The following UAP1 variants were observed in gnomAD, a reference collection of about 807,000 sequenced individuals.
UAP1 encodes UDP-N-acetylhexosamine pyrophosphorylase.
UAP1 carries 25 observed loss-of-function variants against 58.5 expected under a neutral mutation model. The observed-to-expected ratio is 0.43, with a 90% CI of 0.31 to 0.60. The LOEUF is 0.60. Ranked by LOEUF, UAP1 falls within the 20% of genes least tolerant of loss-of-function variation. The probability of loss-of-function intolerance (pLI) is 0.11; values close to 1 mark genes in which losing one functional copy is unlikely to be tolerated. For missense variants in UAP1, 575 were observed against 630.0 expected (o/e 0.91, Z 0.93); for synonymous variants, 208 against 213.0 (o/e 0.98, Z 0.21).
intron 10 of UAP1, among the ~76,000 whole-genome samples, chr1:162,598,888 C>T (rs1041753964): frequency 2.0e-5 from 3 of 151,806 alleles, no homozygotes; most frequent in African/African-American, 7.3e-5. Context: ...TGATGGCAGG[C>T]GCCTGTAGTT....
intron 2 of UAP1, among the ~76,000 whole-genome samples, chr1:162,571,036 C>A (rs1653826424): frequency 6.6e-6 from 1 of 150,906 alleles, no homozygotes; most frequent in East Asian, 1.9e-4. Flanking sequence ...GCCCACAATG[C>A]ATGACTCTCC....
chr1:162,587,286 C>A (rs991317192), intron 5 of UAP1, among the ~76,000 whole-genome samples, 189 bp from the exon 6 acceptor site: 1 of 152,134 alleles, frequency 6.6e-6, no homozygotes, highest in African/African-American at 2.4e-5. Flanking sequence ...TAATATACCT[C>A]ATTTCCAGTT....
At chr1:162,581,192 TTTTTTAGGGATC>T (rs1654565252) in intron 4 of UAP1, 83 bp from the exon 5 acceptor site, 2 of 1,407,514 alleles carry the variant, frequency 1.4e-6, no homozygotes, top group Non-Finnish European at 1.9e-6. Context: ...GCGAATTTTG[TTTTTTAGGGATC>T]TTAACCCTAG....
intron 9 of UAP1, 156 bp from the exon 10 acceptor site, chr1:162,597,636 A>T (rs1655687477): frequency 1.7e-6 from 1 of 573,460 alleles, no homozygotes; most frequent in African/African-American, 1.9e-5. Context: ...CTTAATCCTC[A>T]GGGAATTTAG....
At chr1:162,583,140 G>A (rs1195215295) in intron 5 of UAP1, among the ~76,000 whole-genome samples, 1 of 128,082 alleles carries the variant, frequency 7.8e-6, no homozygotes, top group African/African-American at 2.9e-5. Context: ...TCCACTTGGT[G>A]TCACTCTTTT....
In UAP1 at chr1:162,590,529, C is replaced by G. The variant is rs1169810254; in HGVS notation, c.1358+18C>G. 6 of 1,585,216 alleles carry G rather than the reference C, an allele frequency of 3.8e-6. No individual in the cohort carries two copies. In the East Asian group the frequency reaches 1.1e-4, roughly 30 times the overall value. On this transcript the variant is annotated intron_variant, in intron 8 of 10. Transcript: ENST00000271469. ...ATTCCCCGGTAAGTCAGTATCTTTT[C>G]TCTTTTGTATGAATCCTTTCTTGGA...
chr1:162,564,895 G>T (rs1653392729), intron 1 of UAP1, among the ~76,000 whole-genome samples: 1 of 151,902 alleles, frequency 6.6e-6, no homozygotes, highest in Non-Finnish European at 1.5e-5. Flanking sequence ...TTATTTTTTT[G>T]AGATAGAATT....
exon 4 of UAP1, chr1:162,579,435 A>C (rs1221387026): frequency 1.4e-5 from 22 of 1,570,194 alleles, no homozygotes; most frequent in Non-Finnish European, 1.9e-5. Context: ...AAGGTATATA[A>C]TGACCAGTGG....
rs1006531834 is a variant in UAP1 at position 162,587,409 on chromosome 1, A to C, written c.835-66A>C. 4.9e-6 allele frequency: 7 copies of C among 1,441,080 alleles called. No homozygotes were observed. The African/African-American group carries it at 9.9e-5, about 20-fold the overall frequency. The allele number at this position is 1,441,080 out of a possible 1,614,324, so 89.3% of individuals were successfully genotyped here. Reference sequence around the variant, plus strand: ...CAAAGTTGTAAATGTCATCTTTGACAATGGCAAATCTCCAAAGAAACATTT... The same window carrying C: ...CAAAGTTGTAAATGTCATCTTTGACCATGGCAAATCTCCAAAGAAACATTT... On this transcript the variant is annotated intron_variant, in intron 5 of 10. Transcript: ENST00000271469.
rs1027957107 is a variant in UAP1 at position 162,566,006 on chromosome 1, T to C, written c.-57-6T>C. ...TGACATGCCATTAATTACTTTTCTC[T>C]TTTAGGTTTACAGGTACATACATTA... On this transcript the variant is annotated splice_polypyrimidine_tract_variant and splice_region_variant and intron_variant, in intron 1 of 10. Coordinates refer to ENST00000271469, the Ensembl canonical transcript of UAP1. 12 of 1,508,262 alleles carry C rather than the reference T, an allele frequency of 8.0e-6. No homozygotes were observed. The highest frequency in any genetic ancestry group is 2.5e-4 in the Middle Eastern group (1 of 4,002). 93.4% of individuals were successfully genotyped at this position (1,508,262 alleles called of 1,614,324 possible). A position where few individuals can be genotyped will look rare whatever the true frequency, so the allele number is the denominator to read the frequency against.
At chr1:162,570,615 TG>T (rs1381890162) in intron 2 of UAP1, among the ~76,000 whole-genome samples, 13 of 152,242 alleles carry the variant, frequency 8.5e-5, no homozygotes, top group Admixed American at 8.5e-4. Context: ...ATTCATCTAA[TG>T]TAATCTCTGC....
In UAP1 at chr1:162,587,859, C is replaced by T. The variant is rs76101267; in HGVS notation, c.1028+191C>T. On this transcript the variant is annotated intron_variant, in intron 6 of 10. Transcript: ENST00000271469. ...AGATGTATTGTAAGGTGGGAATCAT[C>T]GGAGCCCATTCCCCAGCGCATTAAT... is the stretch of plus-strand genomic sequence containing the variant. The T allele has an allele frequency of 3.9e-3, 2,140 of 544,548 alleles. 53 individuals are homozygous for T. The East Asian group carries it at 0.058, about 15-fold the overall frequency. 33.7% of individuals were successfully genotyped at this position (544,548 alleles called of 1,614,324 possible).
chr1:162,570,136 G>A (rs940189061), intron 2 of UAP1, among the ~76,000 whole-genome samples: 13 of 147,152 alleles, frequency 8.8e-5, no homozygotes, highest in East Asian at 2.0e-4. Context: ...TTGACAGAGC[G>A]AGACTCCGTC....
intron 7 of UAP1, among the ~76,000 whole-genome samples, chr1:162,589,134 TTATATATTTATATA>T (rs1655105045): frequency 9.2e-6 from 1 of 108,446 alleles, no homozygotes; most frequent in African/African-American, 3.8e-5. Context: ...TATATATAAT[TTATATATTTATATA>T]ATATATATTA....
At chr1:162,587,242 C>T (rs1226881981) in intron 5 of UAP1, among the ~76,000 whole-genome samples, 1 of 151,924 alleles carries the variant, frequency 6.6e-6, no homozygotes, top group Non-Finnish European at 1.5e-5. Flanking sequence ...AATTTCTAGC[C>T]CAAGGTTTAG....
At chr1:162,590,843 G>A (rs1048671493) in intron 8 of UAP1, among the ~76,000 whole-genome samples, 2 of 150,408 alleles carry the variant, frequency 1.3e-5, no homozygotes, top group African/African-American at 2.4e-5. Context: ...AAGCCCATCA[G>A]TAACACACTA....
At chr1:162,587,160 GA>G (rs1443180194) in intron 5 of UAP1, among the ~76,000 whole-genome samples, 1 of 152,064 alleles carries the variant, frequency 6.6e-6, no homozygotes. Flanking sequence ...ATACATGGGG[GA>G]TGTTGACTCC....
intron 2 of UAP1, among the ~76,000 whole-genome samples, chr1:162,571,020 T>C (rs1205023993): frequency 1.3e-5 from 2 of 152,146 alleles, no homozygotes; most frequent in Non-Finnish European, 2.9e-5. Flanking sequence ...GCTTAGATTC[T>C]CTTGGGCCCA....
chr1:162,583,146 CTT>C (rs11376471), intron 5 of UAP1, among the ~76,000 whole-genome samples: 5 of 68,044 alleles, frequency 7.3e-5, no homozygotes, highest in African/African-American at 2.5e-4. Flanking sequence ...TGGTGTCACT[CTT>C]TTTTTTTTTT....
Sources: gnomAD v4.1 joint callset for allele counts (sites outside exome capture counted in the v4.1 genomes callset) on GRCh38, gnomAD v4.1.1 for gene constraint, MANE v1.5 for transcripts, NCBI Gene and HGNC (gene_info 2026-07-23, HGNC 2026-07-21) for gene names.